Variants in PBX1 observed in about 807,000 individuals in gnomAD.
PBX1 encodes pre-B-cell leukemia transcription factor 1.
PBX1 carries 6 observed loss-of-function variants against 53.4 expected under a neutral mutation model. The observed-to-expected ratio is 0.11, with a 90% CI of 0.06 to 0.22. The LOEUF is 0.22. PBX1 is among the 10% of genes least tolerant of loss of function. The pLI, the probability that PBX1 is intolerant of heterozygous loss-of-function variation, is 1.00. For missense variants in PBX1, 251 were observed against 551.4 expected (o/e 0.46, Z 5.46); for synonymous variants, 204 against 212.3 (o/e 0.96, Z 0.34).
At position 164,851,233 on chromosome 1, in the gene PBX1, GA is replaced by G. The variant is rs80017588; in HGVS notation, c.*4564del. The G allele has an allele frequency of 9.5e-6, 2 of 209,834 alleles. No individual in the cohort carries two copies. Among genetic ancestry groups the G allele is most frequent in the African/African-American group, 2.3e-5 (1 of 44,034 alleles). The allele number at this position is 209,834 out of a possible 1,614,324, so 13.0% of individuals were successfully genotyped here. On this transcript the variant is annotated 3_prime_UTR_variant, in exon 9 of 9. Coordinates refer to ENST00000420696, the MANE Select transcript of PBX1 (RefSeq NM_002585.4). Reference sequence around the variant, plus strand: ...GGAAAAAAGAAAGCCATATTATCTGGAAAAAAATTCATTTTAAATACCATCA... The same window carrying G: ...GGAAAAAAGAAAGCCATATTATCTGGAAAAAATTCATTTTAAATACCATCA...
At position 164,795,047 on chromosome 1, in the gene PBX1, T is replaced by C. The variant is rs140934989; in HGVS notation, c.510+2309T>C. ...TTATGACAGCCATAGTACATTTTAATAGCATGTCACCAATTACAAAACACT... is the reference window on the plus strand; with the variant it reads ...TTATGACAGCCATAGTACATTTTAACAGCATGTCACCAATTACAAAACACT... On this transcript the variant is annotated intron_variant, in intron 3 of 8. Transcript: ENST00000420696. Among the ~76,000 whole-genome samples, 828 of 152,344 alleles carry C rather than the reference T, an allele frequency of 5.4e-3. 8 individuals are homozygous for C. Among genetic ancestry groups the C allele is most frequent in the African/African-American group, 0.019 (780 of 41,570 alleles).
chr1:164,571,303 T>A (rs1012453267), intron 2 of PBX1, among the ~76,000 whole-genome samples: 2 of 152,174 alleles, frequency 1.3e-5, no homozygotes, highest in Non-Finnish European at 2.9e-5. Context: ...TCAGCCTCCT[T>A]GCCCCCTAAA....
downstream of PBX1, among the ~76,000 whole-genome samples, chr1:164,853,080 G>A (rs1486532430): frequency 6.6e-6 from 1 of 152,166 alleles, no homozygotes; most frequent in African/African-American, 2.4e-5. Context: ...AATGTCCCTG[G>A]TCATTGCCTC....
At chr1:164,670,963 C>A (rs1316413075) in intron 2 of PBX1, among the ~76,000 whole-genome samples, 1 of 152,160 alleles carries the variant, frequency 6.6e-6, no homozygotes, top group Non-Finnish European at 1.5e-5. Context: ...TAAATAACAT[C>A]AAGTCTTCTT....
chr1:164,865,135 CA>C (rs1244872358), intron 2 of PBX1, among the ~76,000 whole-genome samples: 3 of 152,158 alleles, frequency 2.0e-5, no homozygotes, highest in Admixed American at 2.0e-4. Context: ...CCTGTGATTG[CA>C]AAAGGGCAGG....
At chr1:164,853,635 ATGT>A (rs147100722), downstream of PBX1, among the ~76,000 whole-genome samples, 3,033 of 152,218 alleles carry the variant, frequency 0.02, 110 homozygotes, top group African/African-American at 0.067. Flanking sequence ...CGTTCTCCAA[ATGT>A]TGTTTTCTAG....
chr1:164,754,830 CTG>C (rs939186601), intron 2 of PBX1, among the ~76,000 whole-genome samples: 26 of 152,102 alleles, frequency 1.7e-4, no homozygotes, highest in African/African-American at 5.8e-4. Flanking sequence ...GAAGTTGACA[CTG>C]TGTTGTGTTC....
intron 2 of PBX1, among the ~76,000 whole-genome samples, chr1:164,697,202 T>C (rs1188906018): frequency 1.3e-5 from 2 of 152,340 alleles, no homozygotes; most frequent in Middle Eastern, 3.4e-3. Context: ...CCTGTTACAC[T>C]GACCAGTAGA....
chr1:164,712,757 C>T (rs766305730), intron 2 of PBX1, among the ~76,000 whole-genome samples: 2 of 152,134 alleles, frequency 1.3e-5, no homozygotes, highest in Non-Finnish European at 2.9e-5. Flanking sequence ...TGTTTCCTGG[C>T]CTGGTGTGTG....
intron 2 of PBX1, among the ~76,000 whole-genome samples, chr1:164,582,692 G>A (rs1360463796): frequency 1.3e-5 from 2 of 151,536 alleles, no homozygotes; most frequent in Non-Finnish European, 2.9e-5. Flanking sequence ...CAAAGTGCTG[G>A]GAATTACAAG....
At chr1:164,839,614 G>A (rs1422197408) in intron 8 of PBX1, among the ~76,000 whole-genome samples, 2 of 151,872 alleles carry the variant, frequency 1.3e-5, no homozygotes, top group Admixed American at 1.3e-4. Context: ...ACAGGCAAAG[G>A]CAAAAAAATC....
intron 3 of PBX1, among the ~76,000 whole-genome samples, 157 bp downstream of exon 3, chr1:164,792,895 C>T (rs543513697): frequency 6.6e-6 from 1 of 152,306 alleles, no homozygotes; most frequent in South Asian, 2.1e-4. Context: ...CCTGGCCAAA[C>T]TTGAGTCTGC....
chr1:164,792,771 G>A (rs1334430337), intron 3 of PBX1, 33 bp downstream of exon 3: 4 of 1,516,254 alleles, frequency 2.6e-6, no homozygotes, highest in Non-Finnish European at 2.7e-6. Context: ...CGGCACCCAG[G>A]CCCTTTAGGA....
intron 4 of PBX1, among the ~76,000 whole-genome samples, chr1:164,801,045 A>T (rs1669043636): frequency 6.6e-6 from 1 of 151,550 alleles, no homozygotes; most frequent in African/African-American, 2.4e-5. Flanking sequence ...ACGCCCTGGC[A>T]TCTTTTTTCC....
Position 164,677,614 on chromosome 1 carries a change from G to A in PBX1, c.265+114303G>A, listed in dbSNP as rs138008335. Among the ~76,000 whole-genome samples, 64 of 152,266 alleles carry A rather than the reference G, an allele frequency of 4.2e-4. No individual in the cohort carries two copies. In the East Asian group the frequency reaches 0.012, roughly 28 times the overall value. ...GTATAATGATATTTCAGAGACAAAA[G>A]CAGTGGTTTGGGGTTCATGAAAATT... On this transcript the variant is annotated intron_variant, in intron 2 of 8. Transcript: ENST00000420696.
At chr1:164,730,660 C>T (rs1182290806) in intron 2 of PBX1, among the ~76,000 whole-genome samples, 2 of 152,118 alleles carry the variant, frequency 1.3e-5, no homozygotes, top group Non-Finnish European at 2.9e-5. Flanking sequence ...AAACTGGGAT[C>T]TCACCAGTCT....
chr1:164,678,326 G>A (rs563544821), intron 2 of PBX1, among the ~76,000 whole-genome samples: 1 of 152,252 alleles, frequency 6.6e-6, no homozygotes, highest in East Asian at 1.9e-4. Flanking sequence ...TCCACACAAG[G>A]CTCTCTGTGT....
At chr1:164,639,103 C>T (rs543713593) in intron 2 of PBX1, among the ~76,000 whole-genome samples, 3 of 152,284 alleles carry the variant, frequency 2.0e-5, no homozygotes, top group South Asian at 4.1e-4. Context: ...TGAACCTTAC[C>T]GCTCTTGTCT....
chr1:164,634,025 C>T (rs1371491261), intron 2 of PBX1, among the ~76,000 whole-genome samples: 1 of 152,246 alleles, frequency 6.6e-6, no homozygotes, highest in East Asian at 1.9e-4. Context: ...TTATCCAGCT[C>T]TGCTGTGGCA....
Sources: gnomAD v4.1 joint callset for allele counts (sites outside exome capture counted in the v4.1 genomes callset) on GRCh38, gnomAD v4.1.1 for gene constraint, MANE v1.5 for transcripts, NCBI Gene and HGNC (gene_info 2026-07-23, HGNC 2026-07-21) for gene names.